Variants in SLC35F1 observed in about 807,000 individuals in gnomAD.
The protein encoded by SLC35F1 is chromosome 6 open reading frame 169.
SLC35F1 carries 14 observed loss-of-function variants against 48.7 expected under a neutral mutation model. The ratio of observed to expected loss-of-function variants is 0.29; its 90% CI spans 0.19 to 0.45. The LOEUF is 0.45. SLC35F1 is among the 20% of genes least tolerant of loss of function. SLC35F1 has a pLI of 1.00. For missense variants in SLC35F1, 404 were observed against 500.0 expected, an observed-to-expected ratio of 0.81 and a Z score of 1.83; for synonymous variants, 190 against 202.2, an observed-to-expected ratio of 0.94 and a Z score of 0.51.
chr6:117,983,130 T>C (rs1776803389), intron 1 of SLC35F1, among the ~76,000 whole-genome samples: 1 of 152,108 alleles, frequency 6.6e-6, no homozygotes, highest in South Asian at 2.1e-4. Context: ...AAAAGAAAAA[T>C]ATAATTTTTC....
chr6:118,302,129 A>G (rs1348917403), intron 7 of SLC35F1, among the ~76,000 whole-genome samples: 3 of 152,036 alleles, frequency 2.0e-5, no homozygotes, highest in African/African-American at 7.2e-5. Context: ...TTATAAGGAT[A>G]TCTGTAGCAT....
chr6:118,086,559 G>A (rs1240615538), intron 1 of SLC35F1, among the ~76,000 whole-genome samples: 1 of 152,214 alleles, frequency 6.6e-6, no homozygotes, highest in East Asian at 1.9e-4. Context: ...TGAGGCAGAA[G>A]AGGAATGAAA....
intron 1 of SLC35F1, among the ~76,000 whole-genome samples, chr6:118,039,092 T>G (rs1772174273): frequency 6.6e-6 from 1 of 152,204 alleles, no homozygotes; most frequent in Non-Finnish European, 1.5e-5. Context: ...AGAAAATGTC[T>G]TTATTTTGCC....
chr6:117,917,755 G>GAGTGTGGAATTCTGGGGAGAAGTCC (rs1373512451), intron 1 of SLC35F1, among the ~76,000 whole-genome samples: 1 of 151,584 alleles, frequency 6.6e-6, no homozygotes, highest in Non-Finnish European at 1.5e-5. Flanking sequence ...GGGAGAAGTC[G>GAGTGTGGAATTCTGGGGAGAAGTCC]GAGTGTGGAA....
chr6:118,247,909 T>A (rs1407600064), intron 3 of SLC35F1, among the ~76,000 whole-genome samples: 1 of 152,256 alleles, frequency 6.6e-6, no homozygotes, highest in Non-Finnish European at 1.5e-5. Flanking sequence ...TTATAATTTA[T>A]CCTTCATTTG....
At chr6:118,150,710 A>T (rs542374153) in intron 1 of SLC35F1, among the ~76,000 whole-genome samples, 1 of 152,324 alleles carries the variant, frequency 6.6e-6, no homozygotes, top group East Asian at 1.9e-4. Context: ...GTAAGTTATT[A>T]TGCAAATAAT....
At chr6:118,091,729 C>T (rs1197761146) in intron 1 of SLC35F1, among the ~76,000 whole-genome samples, 2 of 152,122 alleles carry the variant, frequency 1.3e-5, no homozygotes, top group African/African-American at 4.8e-5. Context: ...AGTTTGGAGG[C>T]CTCAGAAGAA....
intron 1 of SLC35F1, among the ~76,000 whole-genome samples, chr6:118,038,850 G>T (rs1003855908): frequency 2.0e-5 from 3 of 151,982 alleles, no homozygotes; most frequent in Non-Finnish European, 4.4e-5. Context: ...TTCAACTCCT[G>T]GCCTTAAGCA....
intron 1 of SLC35F1, 73 bp from the exon 2 acceptor site, chr6:118,154,372 A>T (rs2114468522): frequency 7.1e-7 from 1 of 1,405,618 alleles, no homozygotes; most frequent in East Asian, 2.3e-5. Context: ...CAGTGCTCAA[A>T]AAGTTTTAAT....
chr6:118,078,522 G>T lies in SLC35F1; in HGVS notation c.174-75923G>T, dbSNP rs118170982. On this transcript the variant is annotated intron_variant, in intron 1 of 7. Transcript: ENST00000360388. Reference sequence around the variant, plus strand: ...CAAGTTTGGTAGGAGACAAAAGCTTGCATTAAGAAAAAAATAAAATAAAAA... The same window carrying T: ...CAAGTTTGGTAGGAGACAAAAGCTTTCATTAAGAAAAAAATAAAATAAAAA... 2.5e-3 allele frequency among the ~76,000 whole-genome samples: 379 copies of T among 152,208 alleles called. 5 individuals are homozygous for T. In the East Asian group the frequency reaches 0.053, roughly 21 times the overall value.
At chr6:118,176,719 T>C (rs954474651) in intron 2 of SLC35F1, among the ~76,000 whole-genome samples, 4 of 152,116 alleles carry the variant, frequency 2.6e-5, no homozygotes, top group Admixed American at 6.6e-5. Flanking sequence ...GGTACATTCA[T>C]TTTGTGTGTT....
At chr6:118,055,759 T>G (rs559390270) in intron 1 of SLC35F1, among the ~76,000 whole-genome samples, 2 of 152,184 alleles carry the variant, frequency 1.3e-5, no homozygotes, top group East Asian at 3.9e-4. Flanking sequence ...TTAACCCAAC[T>G]GCAAGGAAGA....
chr6:118,157,191 G>A (rs1453272909), intron 2 of SLC35F1, among the ~76,000 whole-genome samples: 3 of 152,132 alleles, frequency 2.0e-5, no homozygotes, highest in Admixed American at 1.3e-4. Flanking sequence ...CCCATCCAAC[G>A]CAGGGCTGTG....
chr6:118,270,315 G>T (rs1469246128), intron 4 of SLC35F1, among the ~76,000 whole-genome samples: 2 of 152,234 alleles, frequency 1.3e-5, no homozygotes, highest in East Asian at 3.9e-4. Context: ...CTTCTTAGAT[G>T]GCATTAAGTA....
intron 2 of SLC35F1, among the ~76,000 whole-genome samples, chr6:118,155,482 T>C (rs539014435): frequency 6.6e-6 from 1 of 152,190 alleles, no homozygotes; most frequent in Non-Finnish European, 1.5e-5. Flanking sequence ...TCCTGCTCTC[T>C]CATGTGTGCT....
At chr6:118,181,242 T>C (rs947772372) in intron 2 of SLC35F1, among the ~76,000 whole-genome samples, 1 of 152,104 alleles carries the variant, frequency 6.6e-6, no homozygotes, top group Non-Finnish European at 1.5e-5. Flanking sequence ...ATATTAATTG[T>C]TCAAATCATA....
chr6:118,258,389 A>G (rs1348941963), intron 3 of SLC35F1, among the ~76,000 whole-genome samples: 1 of 152,134 alleles, frequency 6.6e-6, no homozygotes, highest in Non-Finnish European at 1.5e-5. Flanking sequence ...AAATATCCAA[A>G]TTCAAAATTT....
chr6:117,968,978 G>C (rs1776605404), intron 1 of SLC35F1, among the ~76,000 whole-genome samples: 1 of 152,136 alleles, frequency 6.6e-6, no homozygotes, highest in South Asian at 2.1e-4. Flanking sequence ...TCTGGAGAAG[G>C]GTTATGTGAT....
intron 1 of SLC35F1, among the ~76,000 whole-genome samples, chr6:118,010,782 C>T (rs534064706): frequency 1.3e-5 from 2 of 152,296 alleles, no homozygotes; most frequent in African/African-American, 4.8e-5. Flanking sequence ...AGTGAGTAGA[C>T]ATTAGAGAAA....
Sources: allele counts gnomAD v4.1 joint callset (sites outside exome capture counted in the v4.1 genomes callset), GRCh38; gene constraint gnomAD v4.1.1; transcripts MANE v1.5; gene names NCBI Gene and HGNC (gene_info 2026-07-23, HGNC 2026-07-21).